Variants in OR1J2 observed in about 807,000 individuals in gnomAD.
OR1J2 encodes olfactory receptor family 1 subfamily J member 2.
For missense variants in OR1J2, 304 were observed against 246.1 expected, an observed-to-expected ratio of 1.24 and a Z score of -1.57; for synonymous variants, 142 against 99.7, an observed-to-expected ratio of 1.42 and a Z score of -2.52.
chr9:122,574,924 T>C, the OR1J2 span, among the ~76,000 whole-genome samples: 1 of 152,120 alleles, frequency 6.6e-6, no homozygotes, highest in African/African-American at 2.4e-5. Context: ...TTGGAGTTTG[T>C]CAAATGATTT....
the OR1J2 span, among the ~76,000 whole-genome samples, chr9:122,494,307 G>C: frequency 5.9e-5 from 9 of 152,084 alleles, no homozygotes; most frequent in African/African-American, 1.9e-4. Context: ...TTGTTGTGTT[G>C]CCATCTATGT....
the OR1J2 span, chr9:122,476,873 T>A: frequency 8.0e-6 from 5 of 628,888 alleles, no homozygotes; most frequent in Non-Finnish European, 1.4e-5. Flanking sequence ...GCCCGGCTAA[T>A]TTTTTTGTAT....
chr9:122,520,102 C>T, the OR1J2 span: 1 of 1,566,154 alleles, frequency 6.4e-7, no homozygotes. Flanking sequence ...TTCTTTATAA[C>T]AGACATATGT....
chr9:122,560,110 G>A, the OR1J2 span, among the ~76,000 whole-genome samples: 12 of 151,674 alleles, frequency 7.9e-5, no homozygotes, highest in Non-Finnish European at 1.8e-4. Context: ...TTTTATTTTT[G>A]TTGGTTTAAA....
At chr9:122,559,585 C>A in the OR1J2 span, among the ~76,000 whole-genome samples, 1 of 152,158 alleles carries the variant, frequency 6.6e-6, no homozygotes, top group Non-Finnish European at 1.5e-5. Flanking sequence ...ATTATTTACC[C>A]AGTAGTCATT....
At chr9:122,486,274 G>C in the OR1J2 span, among the ~76,000 whole-genome samples, 1 of 152,102 alleles carries the variant, frequency 6.6e-6, no homozygotes, top group Non-Finnish European at 1.5e-5. Context: ...TAGGCATTCT[G>C]ATCCTCACTT....
At chr9:122,560,480 A>G in the OR1J2 span, among the ~76,000 whole-genome samples, 2 of 152,048 alleles carry the variant, frequency 1.3e-5, no homozygotes, top group East Asian at 3.9e-4. Context: ...TTTCCTTTCC[A>G]TATTTAGTGC....
chr9:122,513,062 A>G (rs1314558640), downstream of OR1J2, among the ~76,000 whole-genome samples: 1 of 152,208 alleles, frequency 6.6e-6, no homozygotes, highest in African/African-American at 2.4e-5. Context: ...ATTTTATGTT[A>G]AATGGTGTCA....
the OR1J2 span, chr9:122,477,977 T>C: frequency 7.9e-7 from 1 of 1,271,234 alleles, no homozygotes; most frequent in East Asian, 2.3e-5. Flanking sequence ...AAAAATGGTA[T>C]GTCTTGGAAT....
chr9:122,456,197 T>G, the OR1J2 span, among the ~76,000 whole-genome samples: 649 of 152,280 alleles, frequency 4.3e-3, 3 homozygotes, highest in African/African-American at 0.013. Flanking sequence ...GGGATGGAGA[T>G]GAATGGGGAA....
chr9:122,578,045 A>T, the OR1J2 span, among the ~76,000 whole-genome samples: 3 of 152,348 alleles, frequency 2.0e-5, no homozygotes, highest in South Asian at 6.2e-4. Flanking sequence ...TGAGAATGTA[A>T]ATTAGTACAA....
chr9:122,546,278 C>T, the OR1J2 span, among the ~76,000 whole-genome samples: 8 of 152,206 alleles, frequency 5.3e-5, no homozygotes, highest in Middle Eastern at 3.4e-3. Context: ...AAATTAAAGA[C>T]GACCAACAAT....
At chr9:122,529,426 G>T in the OR1J2 span, among the ~76,000 whole-genome samples, 6 of 152,298 alleles carry the variant, frequency 3.9e-5, no homozygotes, top group African/African-American at 1.4e-4. Flanking sequence ...TTGATCATTT[G>T]TGTTGGCATA....
downstream of OR1J2, among the ~76,000 whole-genome samples, chr9:122,515,352 T>TTTGTGTG (rs1554732982): frequency 2.2e-5 from 3 of 135,714 alleles, no homozygotes; most frequent in East Asian, 4.6e-4. Context: ...CAGGAGCAGG[T>TTTGTGTG]TGTGTGTGTG....
At chr9:122,488,871 A>G in the OR1J2 span, among the ~76,000 whole-genome samples, 13 of 151,880 alleles carry the variant, frequency 8.6e-5, no homozygotes, top group Non-Finnish European at 1.8e-4. Flanking sequence ...AAAATTTATT[A>G]TACTCTAAGT....
At chr9:122,497,933 T>C in the OR1J2 span, among the ~76,000 whole-genome samples, 6 of 152,194 alleles carry the variant, frequency 3.9e-5, no homozygotes, top group South Asian at 1.2e-3. Flanking sequence ...CTTCATTGTT[T>C]ACCAAAAAGT....
chr9:122,507,438 T>C (rs959077815), upstream of OR1J2, among the ~76,000 whole-genome samples: 2 of 152,144 alleles, frequency 1.3e-5, no homozygotes, highest in Non-Finnish European at 2.9e-5. Context: ...TTATAAATTA[T>C]CCAGCTTATC....
At chr9:122,502,953 C>T in the OR1J2 span, among the ~76,000 whole-genome samples, 1 of 152,200 alleles carries the variant, frequency 6.6e-6, no homozygotes, top group Non-Finnish European at 1.5e-5. Context: ...TTATAATGGT[C>T]ATTGGTTCAA....
chr9:122,512,895 A>G (rs751150835), downstream of OR1J2, among the ~76,000 whole-genome samples: 7 of 152,224 alleles, frequency 4.6e-5, no homozygotes, highest in Non-Finnish European at 8.8e-5. Flanking sequence ...CACGTGAGCT[A>G]TAATAACTCT....
Sources: allele counts gnomAD v4.1 joint callset (sites outside exome capture counted in the v4.1 genomes callset), GRCh38; gene constraint gnomAD v4.1.1; transcripts MANE v1.5; gene names NCBI Gene and HGNC (gene_info 2026-07-23, HGNC 2026-07-21).